The following IL1RAPL2 variants were observed in gnomAD, a reference collection of about 807,000 sequenced individuals.
IL1RAPL2 encodes the protein interleukin 1 receptor accessory protein like 2, also known as X-linked interleukin-1 receptor accessory protein-like 2.
IL1RAPL2 carries 3 observed loss-of-function variants against 44.1 expected under a neutral mutation model. That is an observed-to-expected ratio of 0.07 (90% CI 0.03 to 0.18). The LOEUF is 0.18. IL1RAPL2 is among the 10% of genes least tolerant of loss of function. IL1RAPL2 has a pLI of 1.00. For missense variants in IL1RAPL2, 391 were observed against 496.4 expected, an observed-to-expected ratio of 0.79 and a Z score of 2.02; for synonymous variants, 181 against 178.8, an observed-to-expected ratio of 1.01 and a Z score of -0.10.
intron 2 of IL1RAPL2, among the ~76,000 whole-genome samples, chrX:104,764,184 A>G (rs1932514681): frequency 1.0e-5 from 1 of 97,024 alleles, no homozygotes; most frequent in South Asian, 4.8e-4. Flanking sequence ...GATTTTTCCA[A>G]TCTATGAACA....
chrX:104,944,065 T>G (rs1925277378), intron 2 of IL1RAPL2, among the ~76,000 whole-genome samples: 1 of 111,489 alleles, frequency 9.0e-6, no homozygotes, highest in Admixed American at 9.5e-5. Flanking sequence ...TTTTATAGGA[T>G]GTGTGGTGTG....
At chrX:105,076,322 G>A (rs1167896997) in intron 2 of IL1RAPL2, among the ~76,000 whole-genome samples, 6 of 111,452 alleles carry the variant, frequency 5.4e-5, no homozygotes, top group African/African-American at 1.6e-4. Flanking sequence ...TTCAGGAGCA[G>A]GTTGTTCAGT....
intron 2 of IL1RAPL2, among the ~76,000 whole-genome samples, chrX:104,910,583 C>T (rs1377625938): frequency 8.9e-6 from 1 of 111,733 alleles, no homozygotes; most frequent in Non-Finnish European, 1.9e-5. Flanking sequence ...GTGTTCTCTT[C>T]CTAATGTATT....
At chrX:105,007,703 T>C (rs2030967068) in intron 2 of IL1RAPL2, among the ~76,000 whole-genome samples, 1 of 111,724 alleles carries the variant, frequency 9.0e-6, no homozygotes, top group South Asian at 3.7e-4. Flanking sequence ...TTAAGGAAGA[T>C]GGAACATTCA....
intron 3 of IL1RAPL2, chrX:105,220,126 C>T (rs782744693): frequency 1.2e-5 from 14 of 1,211,504 alleles, no homozygotes; most frequent in Non-Finnish European, 1.2e-5. Flanking sequence ...GTGCAGCCAC[C>T]GCACCCTGTG....
At position 104,937,188 on chromosome X, in the gene IL1RAPL2, A is replaced by T. The variant is rs1298801814; in HGVS notation, c.83-258287A>T. Among the ~76,000 whole-genome samples the T allele has an allele frequency of 2.7e-5, 3 of 112,399 alleles. No individual in the cohort carries two copies. The East Asian group carries it at 8.4e-4, about 31-fold the overall frequency. Reference sequence around the variant, plus strand: ...TATAGACCTTTAATTGAGAGGGGAAAATGCTATTGTAAGAAATGTATTTAT... The same window carrying T: ...TATAGACCTTTAATTGAGAGGGGAATATGCTATTGTAAGAAATGTATTTAT... On this transcript the variant is annotated intron_variant, in intron 2 of 10. Coordinates refer to ENST00000372582, the MANE Select transcript of IL1RAPL2 (RefSeq NM_017416.2).
intron 6 of IL1RAPL2, among the ~76,000 whole-genome samples, chrX:105,651,690 C>T (rs2037643248): frequency 9.0e-6 from 1 of 110,498 alleles, no homozygotes; most frequent in African/African-American, 3.3e-5. Context: ...ACTTTTGTAC[C>T]CTCTTGGATT....
chrX:104,857,585 T>C (rs1922397147), intron 2 of IL1RAPL2, among the ~76,000 whole-genome samples: 1 of 112,049 alleles, frequency 8.9e-6, no homozygotes, highest in South Asian at 3.7e-4. Flanking sequence ...TAGGATGTTT[T>C]CTTGCTGGAA....
At chrX:104,697,965 C>A (rs772681771) in intron 2 of IL1RAPL2, among the ~76,000 whole-genome samples, 1 of 112,201 alleles carries the variant, frequency 8.9e-6, no homozygotes, top group East Asian at 2.8e-4. Context: ...AGGGATTGAC[C>A]AGGGCTATAG....
intron 2 of IL1RAPL2, among the ~76,000 whole-genome samples, chrX:105,129,079 A>G (rs2033003231): frequency 9.0e-6 from 1 of 111,203 alleles, no homozygotes; most frequent in Non-Finnish European, 1.9e-5. Flanking sequence ...GTCTCTAATA[A>G]CTTATGTTGT....
intron 2 of IL1RAPL2, among the ~76,000 whole-genome samples, chrX:104,869,329 C>T (rs752719668): frequency 3.6e-5 from 4 of 111,139 alleles, no homozygotes; most frequent in Non-Finnish European, 7.6e-5. Context: ...ATATCCATCA[C>T]CTTACTTATC....
At chrX:105,449,978 C>A (rs749072943) in intron 5 of IL1RAPL2, among the ~76,000 whole-genome samples, 1 of 111,847 alleles carries the variant, frequency 8.9e-6, no homozygotes, top group African/African-American at 3.2e-5. Flanking sequence ...CCCTTTAGTG[C>A]AGTGAGTTCC....
chrX:105,133,580 AT>A (rs1294572177), intron 2 of IL1RAPL2, among the ~76,000 whole-genome samples: 1 of 111,902 alleles, frequency 8.9e-6, no homozygotes, highest in Non-Finnish European at 1.9e-5. Context: ...ATATTATAAT[AT>A]TTTTGTTTTA....
At chrX:104,710,761 G>C (rs186850513) in intron 2 of IL1RAPL2, among the ~76,000 whole-genome samples, 1 of 111,132 alleles carries the variant, frequency 9.0e-6, no homozygotes, top group Non-Finnish European at 1.9e-5. Flanking sequence ...ATCTAGAAAA[G>C]TCATAGCCAT....
chrX:105,155,553 G>T lies in IL1RAPL2; in HGVS notation c.83-39922G>T, dbSNP rs564785855. ...GATACCAGGCAAAGGAATTTAAAAT[G>T]TATCATGTAGAAAATGGGTAGAGAC... is the stretch of plus-strand genomic sequence containing the variant. On this transcript the variant is annotated intron_variant, in intron 2 of 10. Transcript: ENST00000372582. Among the ~76,000 whole-genome samples, 29 of 111,151 alleles carry T rather than the reference G, an allele frequency of 2.6e-4. No individual in the cohort carries two copies. In the South Asian group the frequency reaches 0.011, roughly 41 times the overall value.
At chrX:105,381,715 A>T (rs2035431714) in intron 5 of IL1RAPL2, among the ~76,000 whole-genome samples, 1 of 112,034 alleles carries the variant, frequency 8.9e-6, no homozygotes, top group Admixed American at 9.5e-5. Flanking sequence ...GATATACATC[A>T]TCTCAAATAC....
At chrX:104,785,015 T>C (rs1324031325) in intron 2 of IL1RAPL2, among the ~76,000 whole-genome samples, 2 of 110,864 alleles carry the variant, frequency 1.8e-5, no homozygotes, top group Non-Finnish European at 3.8e-5. Context: ...GGATTATCGC[T>C]CTTTCTTTTG....
At chrX:105,275,133 C>T (rs1200613257) in intron 5 of IL1RAPL2, among the ~76,000 whole-genome samples, 1 of 110,206 alleles carries the variant, frequency 9.1e-6, no homozygotes, top group East Asian at 2.9e-4. Context: ...AAAACTTGAA[C>T]TCGGGAGGTG....
intron 4 of IL1RAPL2, among the ~76,000 whole-genome samples, chrX:105,253,619 C>T (rs1308917086): frequency 9.0e-6 from 1 of 110,973 alleles, no homozygotes; most frequent in African/African-American, 3.3e-5. Context: ...TAGGTAAACA[C>T]GTGTCACAGG....
Sources: gnomAD v4.1 joint callset for allele counts (sites outside exome capture counted in the v4.1 genomes callset) on GRCh38, gnomAD v4.1.1 for gene constraint, MANE v1.5 for transcripts, NCBI Gene and HGNC (gene_info 2026-07-23, HGNC 2026-07-21) for gene names.